Variants in EIF2AK2 observed in about 807,000 individuals in gnomAD.
The protein encoded by EIF2AK2 is eukaryotic translation initiation factor 2 alpha kinase 2, also known as interferon-induced, double-stranded RNA-activated protein kinase.
A neutral mutation model predicts 70.5 loss-of-function variants in EIF2AK2; 40 were observed. The ratio of observed to expected loss-of-function variants is 0.57; its 90% CI spans 0.44 to 0.74. The LOEUF is 0.74. EIF2AK2 is among the 30% of genes least tolerant of loss of function. The probability of loss-of-function intolerance (pLI) is 0.00; values close to 1 mark genes in which losing one functional copy is unlikely to be tolerated. For missense variants in EIF2AK2, 555 were observed against 644.3 expected, an observed-to-expected ratio of 0.86 and a Z score of 1.50; for synonymous variants, 198 against 220.9, an observed-to-expected ratio of 0.90 and a Z score of 0.92.
At chr2:37,143,976 G>C (rs377654393) in intron 4 of EIF2AK2, among the ~76,000 whole-genome samples, 2 of 152,126 alleles carry the variant, frequency 1.3e-5, no homozygotes, top group Non-Finnish European at 2.9e-5. Flanking sequence ...TGATCTAAAG[G>C]ATAATCATGT....
At chr2:37,140,763 A>G (rs960023981) in intron 5 of EIF2AK2, among the ~76,000 whole-genome samples, 1 of 152,032 alleles carries the variant, frequency 6.6e-6, no homozygotes, top group Non-Finnish European at 1.5e-5. Context: ...ATACTATAAC[A>G]TTTTTCTCTT....
At chr2:37,109,430 A>G in intron 14 of EIF2AK2, 135 bp from the exon 15 acceptor site, 3 of 673,052 alleles carry the variant, frequency 4.5e-6, no homozygotes, top group Non-Finnish European at 7.6e-6. Flanking sequence ...AAATCTGTGG[A>G]GTCTGACTGC....
chr2:37,120,087 A>G lies in EIF2AK2; in HGVS notation c.1120T>C (p.Leu374=). Residue 374 remains leucine (L), a synonymous_variant, in exon 13 of 17, where the codon TTG becomes CTG. Coordinates refer to ENST00000233057, the MANE Select transcript of EIF2AK2 (RefSeq NM_001135651.3). ...IQMEFCDKGT[L]EQWIEKRRGE... ...CTTCTTTTTTCAATCCATTGTTCCA[A>G]GGTCCCTTTATCACAGAATTCCATT... 2 of 1,514,604 alleles carry G rather than the reference A, an allele frequency of 1.3e-6. No homozygotes were observed. The highest frequency in any genetic ancestry group is 1.8e-6 in the Non-Finnish European group (2 of 1,125,712). The allele number at this position is 1,514,604 out of a possible 1,614,324, so 93.8% of individuals were successfully genotyped here.
At chr2:37,111,909 A>G (rs1256635042) in intron 14 of EIF2AK2, among the ~76,000 whole-genome samples, 1 of 106,448 alleles carries the variant, frequency 9.4e-6, no homozygotes, top group African/African-American at 3.4e-5. Flanking sequence ...ATATATATAT[A>G]TATCATAATA....
chr2:37,152,287 GT>G (rs895081166), intron 1 of EIF2AK2, among the ~76,000 whole-genome samples: 1 of 151,888 alleles, frequency 6.6e-6, no homozygotes, highest in African/African-American at 2.4e-5. Flanking sequence ...CACTCTTTCT[GT>G]TTTTTGTTTT....
chr2:37,114,516 G>A (rs967562491), intron 14 of EIF2AK2, among the ~76,000 whole-genome samples: 1 of 151,722 alleles, frequency 6.6e-6, no homozygotes, highest in African/African-American at 2.4e-5. Flanking sequence ...AAAAAATCTG[G>A]GTGTATATTT....
At chr2:37,118,144 A>T (rs541495801) in intron 13 of EIF2AK2, among the ~76,000 whole-genome samples, 1 of 150,798 alleles carries the variant, frequency 6.6e-6, no homozygotes, top group Non-Finnish European at 1.5e-5. Flanking sequence ...CCCTGTCTCT[A>T]CAAAAAAAAA....
intron 10 of EIF2AK2, among the ~76,000 whole-genome samples, chr2:37,131,839 C>G (rs1674950513): frequency 6.6e-6 from 1 of 152,110 alleles, no homozygotes; most frequent in African/African-American, 2.4e-5. Context: ...GGCACATCCT[C>G]CCAACAAGCA....
intron 4 of EIF2AK2, among the ~76,000 whole-genome samples, chr2:37,142,353 G>A (rs115377535): frequency 6.6e-6 from 1 of 151,920 alleles, no homozygotes; most frequent in Non-Finnish European, 1.5e-5. Flanking sequence ...GGCTGTTCTC[G>A]AACTCCTAAG....
rs1675211784 is a variant in EIF2AK2 at position 37,138,605 on chromosome 2, T to G, written c.517-20A>C. On this transcript the variant is annotated intron_variant, in intron 6 of 16. Coordinates refer to ENST00000233057, the MANE Select transcript of EIF2AK2 (RefSeq NM_001135651.3). ...AGATTTCTGAAAGAAAAAGTATCCCTTAGTAGGCTTAAATACAACTAATTA... is the reference window on the plus strand; with the variant it reads ...AGATTTCTGAAAGAAAAAGTATCCCGTAGTAGGCTTAAATACAACTAATTA... 6.8e-6 allele frequency: 11 copies of G among 1,609,144 alleles called. No homozygotes were observed. The highest frequency in any genetic ancestry group is 1.7e-5 in the Admixed American group (1 of 59,888).
At chr2:37,152,773 T>A (rs148599045) in intron 1 of EIF2AK2, among the ~76,000 whole-genome samples, 2 of 152,228 alleles carry the variant, frequency 1.3e-5, no homozygotes, top group South Asian at 4.1e-4. Context: ...TTCAGATCTC[T>A]CTATCCAAAT....
chr2:37,123,600 T>A lies in EIF2AK2; in HGVS notation c.909-936A>T, dbSNP rs1425382712. On this transcript the variant is annotated intron_variant, in intron 11 of 16. Transcript: ENST00000233057. The stretch of plus-strand genomic sequence containing the variant: ...TTTTTCATAGCTAAATCATACATTA[T>A]GTTTTGCTTAGATTTGTGTTAAAAT... 2.6e-5 allele frequency among the ~76,000 whole-genome samples: 4 copies of A among 152,186 alleles called. No individual in the cohort carries two copies. In the East Asian group the frequency reaches 7.7e-4, roughly 29 times the overall value.
intron 10 of EIF2AK2, among the ~76,000 whole-genome samples, 196 bp from the exon 11 acceptor site, chr2:37,126,607 C>G (rs1037273593): frequency 2.0e-5 from 3 of 152,078 alleles, no homozygotes; most frequent in Non-Finnish European, 1.5e-5. Context: ...CCTCCCAGGG[C>G]AAGTCTAACG....
At chr2:37,129,388 G>A (rs930160463) in intron 10 of EIF2AK2, among the ~76,000 whole-genome samples, 5 of 152,066 alleles carry the variant, frequency 3.3e-5, no homozygotes, top group African/African-American at 9.7e-5. Context: ...GACACTGGAC[G>A]ATGGAATGCC....
chr2:37,151,975 A>C (rs1220033762), intron 1 of EIF2AK2, among the ~76,000 whole-genome samples: 1 of 152,234 alleles, frequency 6.6e-6, no homozygotes, highest in Non-Finnish European at 1.5e-5. Flanking sequence ...CTGAGGCAGG[A>C]GAATGGCGTG....
intron 4 of EIF2AK2, 138 bp from the exon 5 acceptor site, chr2:37,141,839 C>T (rs887181902): frequency 4.3e-6 from 4 of 935,870 alleles, no homozygotes; most frequent in Admixed American, 6.5e-5. Context: ...ATTATATTAC[C>T]TTGAGCAAAA....
chr2:37,134,869 C>G (rs1043130664), intron 10 of EIF2AK2, among the ~76,000 whole-genome samples: 5 of 152,200 alleles, frequency 3.3e-5, no homozygotes, highest in African/African-American at 1.2e-4. Flanking sequence ...TCCTAGCCAA[C>G]CTTTGCCCAT....
Position 37,115,260 on chromosome 2 carries a change from C to T in EIF2AK2, c.1249-401G>A, listed in dbSNP as rs572395571. ...TTTTTTTTTAGTAGAGACAGGGTTT[C>T]ACCGTGTTAGCCAGGATGGTCTCGA... is the stretch of plus-strand genomic sequence containing the variant. On this transcript the variant is annotated intron_variant, in intron 13 of 16. Transcript: ENST00000233057. 1.4e-3 allele frequency: 206 copies of T among 146,122 alleles called. 1 individual carries two copies. Among genetic ancestry groups the T allele is most frequent in the Non-Finnish European group, 2.3e-3 (180 of 77,268 alleles). 9.1% of individuals were successfully genotyped at this position (146,122 alleles called of 1,614,324 possible).
intron 1 of EIF2AK2, among the ~76,000 whole-genome samples, chr2:37,152,758 T>C (rs527590013): frequency 6.6e-6 from 1 of 152,366 alleles, no homozygotes; most frequent in African/African-American, 2.4e-5. Context: ...TGAACCGCTC[T>C]GAGTTTCAGA....
Sources: allele counts gnomAD v4.1 joint callset (sites outside exome capture counted in the v4.1 genomes callset), GRCh38; gene constraint gnomAD v4.1.1; transcripts MANE v1.5; gene names NCBI Gene and HGNC (gene_info 2026-07-23, HGNC 2026-07-21).